USP31: variants seen among roughly 807,000 people sequenced by gnomAD.
The protein encoded by USP31 is ubiquitin specific peptidase 31, also known as ubiquitin carboxyl-terminal hydrolase 31.
A neutral mutation model predicts 119.4 loss-of-function variants in USP31; 44 were observed. The ratio of observed to expected loss-of-function variants is 0.37; its 90% CI spans 0.29 to 0.47. USP31 has a LOEUF of 0.47. Among genes scored for constraint, USP31 ranks in the 20% least tolerant of loss-of-function variants. USP31 has a pLI of 0.99. For synonymous variants in USP31, 749 were observed against 705.6 expected (o/e 1.06, Z -0.97); for missense variants, 1,643 against 1,730.2 (o/e 0.95, Z 0.89).
intron 15 of USP31, among the ~76,000 whole-genome samples, chr16:23,070,040 C>T (rs946196166): frequency 1.3e-5 from 2 of 152,202 alleles, no homozygotes; most frequent in Non-Finnish European, 2.9e-5. Context: ...AGGCAGTGGG[C>T]TGTATTTGGC....
At position 23,068,785 on chromosome 16, in the gene USP31, A is replaced by G; in HGVS notation, c.3320T>C (p.Val1107Ala). Reference protein sequence around the residue: ...KESSPKSQDSVSSPSPQKQKS... With the variant: ...KESSPKSQDSASSPSPQKQKS... ...CTGCTTCTGTGGCGAAGGAGATGAC[A>G]CGGAGTCCTGAGATTTCGGGGATGA... Residue 1107 changes from valine to alanine, a missense_variant, in exon 16 of 16, where the codon GTG becomes GCG. This residue lies in a region of USP31 where 699 missense variants were observed against 650.9 expected (regional missense o/e 1.07). Coordinates refer to ENST00000219689, the MANE Select transcript of USP31 (RefSeq NM_020718.4). The G allele has an allele frequency of 6.4e-7, 1 of 1,570,402 alleles. No homozygotes were observed. Among genetic ancestry groups the G allele is most frequent in the Middle Eastern group, 1.7e-4 (1 of 5,816 alleles).
chr16:23,148,362 T>C (rs1016144145), intron 1 of USP31, among the ~76,000 whole-genome samples: 2 of 152,224 alleles, frequency 1.3e-5, no homozygotes, highest in African/African-American at 4.8e-5. Flanking sequence ...GCGGATAGTC[T>C]TGTTCATTGC....
In USP31 at chr16:23,069,286, G is replaced by A; in HGVS notation, c.2819C>T (p.Ala940Val). The A allele has an allele frequency of 6.2e-7, 1 of 1,611,868 alleles. No individual in the cohort carries two copies. The highest frequency in any genetic ancestry group is 8.5e-7 in the Non-Finnish European group (1 of 1,178,928). ...SRREHKAVGR[A>V]PLAVMEGVFK... Reference sequence around the variant, plus strand: ...CACGCCTTCCATGACAGCCAGAGGGGCCCGGCCCACAGCCTTGTGCTCACG... The same window carrying A: ...CACGCCTTCCATGACAGCCAGAGGGACCCGGCCCACAGCCTTGTGCTCACG... Residue 940 changes from alanine to valine, a missense_variant, in exon 16 of 16, where the codon GCC becomes GTC. Around this residue, in one of 5 missense-constraint regions of USP31, gnomAD observed 699 missense variants for 650.9 expected, o/e 1.07. Coordinates refer to ENST00000219689, the MANE Select transcript of USP31 (RefSeq NM_020718.4).
chr16:23,070,290 C>T (rs970695786), intron 15 of USP31, among the ~76,000 whole-genome samples: 1 of 152,178 alleles, frequency 6.6e-6, no homozygotes, highest in Non-Finnish European at 1.5e-5. Context: ...AACCCCTTCC[C>T]GCACCACTCA....
At position 23,137,436 on chromosome 16, in the gene USP31, A is replaced by G. The variant is rs959322116; in HGVS notation, c.633+11202T>C. On this transcript the variant is annotated intron_variant, in intron 1 of 15. Transcript: ENST00000219689. ...ATATGATCTGAAAAAAGTGAAAACAAGAACTCAAACAGATTCAAGAAAACA... is the reference window on the plus strand; with the variant it reads ...ATATGATCTGAAAAAAGTGAAAACAGGAACTCAAACAGATTCAAGAAAACA... Among the ~76,000 whole-genome samples the G allele has an allele frequency of 2.6e-5, 4 of 152,306 alleles. 1 individual carries two copies. The highest frequency in any genetic ancestry group is 6.8e-3 in the Middle Eastern group (2 of 294).
At chr16:23,095,929 C>A (rs1410871515) in intron 6 of USP31, among the ~76,000 whole-genome samples, 1 of 152,196 alleles carries the variant, frequency 6.6e-6, no homozygotes, top group Non-Finnish European at 1.5e-5. Context: ...TAGGAAAAAA[C>A]TGCATCAATT....
At chr16:23,112,465 C>T (rs1902350600) in intron 1 of USP31, among the ~76,000 whole-genome samples, 1 of 151,960 alleles carries the variant, frequency 6.6e-6, no homozygotes, top group Non-Finnish European at 1.5e-5. Flanking sequence ...ATCCCAGCTA[C>T]TTGGGAGGCT....
chr16:23,148,848 G>A lies in USP31; in HGVS notation c.423C>T (p.Ala141=). 6.5e-7 allele frequency: 1 copy of A among 1,528,806 alleles called. No individual in the cohort carries two copies. The highest frequency in any genetic ancestry group is 8.8e-7 in the Non-Finnish European group (1 of 1,139,002). The allele number at this position is 1,528,806 out of a possible 1,614,324, so 94.7% of individuals were successfully genotyped here. ...RNHGNTCFMN[A]TLQCLSNTEL... is the part of the protein sequence containing the mutation. ...CGGTGTTGCTGAGGCACTGCAGCGT[G>A]GCGTTCATGAAGCACGTGTTGCCGT... is the stretch of plus-strand genomic sequence containing the variant. The change falls in exon 1 of 16, where the codon GCC becomes GCT. Residue 141 remains alanine (A), a synonymous_variant. Transcript: ENST00000219689.
rs1321318310 is a variant in USP31 at position 23,105,459 on chromosome 16, T to G, written c.1071A>C (p.Thr357=). The G allele has an allele frequency of 1.2e-6, 2 of 1,613,874 alleles. No homozygotes were observed. The highest frequency in any genetic ancestry group is 1.7e-6 in the Non-Finnish European group (2 of 1,179,944). The change falls in exon 5 of 16, where the codon ACA becomes ACC. Residue 357 remains threonine (T), a synonymous_variant. Transcript: ENST00000219689. ...TTATTACCTGATCAGTGGGGATCTTTGTTTCCATAGACACTGCTTCCCGAA... is the reference window on the plus strand; with the variant it reads ...TTATTACCTGATCAGTGGGGATCTTGGTTTCCATAGACACTGCTTCCCGAA... The part of the protein sequence containing the change: ...ARLREAVSME[T]KIPTDQIVLT...
intron 1 of USP31, among the ~76,000 whole-genome samples, chr16:23,123,426 T>C (rs1157231679): frequency 6.6e-6 from 1 of 151,964 alleles, no homozygotes; most frequent in Non-Finnish European, 1.5e-5. Flanking sequence ...TAATTCCAGC[T>C]ACTCATGAGG....
rs1900474483 is a variant in USP31 at position 23,074,391 on chromosome 16, AAAT to A, written c.2177-514_2177-512del. On this transcript the variant is annotated intron_variant, in intron 13 of 15. Coordinates refer to ENST00000219689, the MANE Select transcript of USP31 (RefSeq NM_020718.4). ...CATTTTAGTGTCTATTAGAAATAGC[AAAT>A]AATATGAATAGAAATAACAATATAA... Among the ~76,000 whole-genome samples, 3 of 152,232 alleles carry A rather than the reference AAAT, an allele frequency of 2.0e-5. No individual in the cohort carries two copies. The South Asian group carries it at 6.2e-4, about 32-fold the overall frequency.
At chr16:23,079,298 T>G (rs1287886418) in intron 13 of USP31, 1 of 152,228 alleles carries the variant, frequency 6.6e-6, no homozygotes, top group African/African-American at 2.4e-5. Flanking sequence ...ATGGTATTCT[T>G]TCCACCTCTA....
At chr16:23,147,866 C>T (rs908776595) in intron 1 of USP31, among the ~76,000 whole-genome samples, 1 of 152,112 alleles carries the variant, frequency 6.6e-6, no homozygotes, top group African/African-American at 2.4e-5. Flanking sequence ...ATTGCTTGAG[C>T]CCAGGAGTTT....
intron 13 of USP31, among the ~76,000 whole-genome samples, chr16:23,074,468 G>A (rs886688264): frequency 1.3e-5 from 2 of 152,312 alleles, no homozygotes; most frequent in African/African-American, 2.4e-5. Flanking sequence ...TATGTGCCAA[G>A]CATCTCATTT....
chr16:23,079,321 C>T (rs114539057), intron 13 of USP31: 58 of 152,258 alleles, frequency 3.8e-4, no homozygotes, highest in African/African-American at 1.3e-3. Context: ...CTCTAAATTT[C>T]ATGATGAACA....
In USP31 at chr16:23,064,804, G is replaced by A. The variant is rs931839825; in HGVS notation, c.*3242C>T. 3 of 151,474 alleles carry A rather than the reference G, an allele frequency of 2.0e-5. No homozygotes were observed. The East Asian group carries it at 5.8e-4, about 29-fold the overall frequency. 9.4% of individuals were successfully genotyped at this position (151,474 alleles called of 1,614,324 possible). A position where few individuals can be genotyped will look rare whatever the true frequency, so the allele number is the denominator to read the frequency against. Reference sequence around the variant, plus strand: ...CAGTTTTGCCTCTGTGCTCAAAGAAGGCCCTCCATAAACGTTTGCAGAATG... The same window carrying A: ...CAGTTTTGCCTCTGTGCTCAAAGAAAGCCCTCCATAAACGTTTGCAGAATG... On this transcript the variant is annotated 3_prime_UTR_variant, in exon 16 of 16. Transcript: ENST00000219689.
intron 6 of USP31, among the ~76,000 whole-genome samples, chr16:23,099,846 A>G (rs985099964): frequency 6.6e-6 from 1 of 152,194 alleles, no homozygotes; most frequent in Non-Finnish European, 1.5e-5. Flanking sequence ...AAAGCAAACA[A>G]TGCAATTTTA....
chr16:23,071,804 T>C (rs1375657827), intron 15 of USP31, among the ~76,000 whole-genome samples: 1 of 151,876 alleles, frequency 6.6e-6, no homozygotes, highest in African/African-American at 2.4e-5. Context: ...CAAGAGACCT[T>C]ACAAGTGGAA....
chr16:23,100,486 T>C (rs533087376), intron 6 of USP31, among the ~76,000 whole-genome samples: 1 of 152,224 alleles, frequency 6.6e-6, no homozygotes, highest in African/African-American at 2.4e-5. Flanking sequence ...CAAAGCAGAA[T>C]AGTGGGCCGG....
Sources: gnomAD v4.1 joint callset for allele counts (sites outside exome capture counted in the v4.1 genomes callset) on GRCh38, gnomAD v4.1.1 for gene constraint, gnomAD v4.1.1 regional missense constraint, MANE v1.5 for transcripts, NCBI Gene and HGNC (gene_info 2026-07-23, HGNC 2026-07-21) for gene names.